Variants in NR2F1-AS1 observed in about 807,000 individuals in gnomAD.
NR2F1-AS1 encodes NR2F1 antisense RNA 1.
At chr5:93,428,719 G>A (rs2149845692) in intron 4 of NR2F1-AS1, among the ~76,000 whole-genome samples, 1 of 152,284 alleles carries the variant, frequency 6.6e-6, no homozygotes, top group Middle Eastern at 3.4e-3. Context: ...GCTTGTGATT[G>A]TACAGGTACT....
intron 1 of NR2F1-AS1, among the ~76,000 whole-genome samples, chr5:93,568,453 G>A (rs1158910381): frequency 6.6e-6 from 1 of 152,092 alleles, no homozygotes; most frequent in Non-Finnish European, 1.5e-5. Context: ...CTAATGGCAA[G>A]AACTACAAAG....
chr5:93,475,497 C>T (rs952562451), intron 4 of NR2F1-AS1, among the ~76,000 whole-genome samples: 2 of 152,142 alleles, frequency 1.3e-5, no homozygotes, highest in Non-Finnish European at 2.9e-5. Flanking sequence ...ACAAATGCAG[C>T]CACTGATAGA....
upstream of NR2F1-AS1, among the ~76,000 whole-genome samples, chr5:93,582,774 GTGTGTGTGTGTA>G (rs1057381518): frequency 6.6e-6 from 1 of 150,956 alleles, no homozygotes; most frequent in African/African-American, 2.4e-5. Flanking sequence ...GAGCGTAAGT[GTGTGTGTGTGTA>G]TGTGTGTGTG....
intron 4 of NR2F1-AS1, among the ~76,000 whole-genome samples, chr5:93,513,714 T>C (rs1350290504): frequency 6.6e-6 from 1 of 152,102 alleles, no homozygotes; most frequent in Non-Finnish European, 1.5e-5. Flanking sequence ...CTATGCTCAT[T>C]ACCCGGTTGA....
At chr5:93,453,427 T>G (rs1749880186) in intron 4 of NR2F1-AS1, among the ~76,000 whole-genome samples, 1 of 151,438 alleles carries the variant, frequency 6.6e-6, no homozygotes, top group African/African-American at 2.4e-5. Context: ...TAAAAATAAA[T>G]AAATAACAGA....
At chr5:93,418,683 G>A (rs553323870) in intron 4 of NR2F1-AS1, among the ~76,000 whole-genome samples, 1 of 152,192 alleles carries the variant, frequency 6.6e-6, no homozygotes, top group African/African-American at 2.4e-5. Flanking sequence ...ATAATTTGCT[G>A]ACCCCTTATC....
chr5:93,440,191 CTG>C (rs1434101734), intron 4 of NR2F1-AS1, among the ~76,000 whole-genome samples: 1 of 149,966 alleles, frequency 6.7e-6, no homozygotes, highest in Admixed American at 6.6e-5. Flanking sequence ...CTCTCTCTCT[CTG>C]TCTCTCTCTC....
intron 4 of NR2F1-AS1, among the ~76,000 whole-genome samples, chr5:93,475,656 T>G (rs918469477): frequency 4.6e-5 from 7 of 152,218 alleles, no homozygotes; most frequent in Admixed American, 2.0e-4. Context: ...ATTTTTGTCA[T>G]AATCATTTGC....
intron 4 of NR2F1-AS1, among the ~76,000 whole-genome samples, chr5:93,506,148 G>A (rs1012098515): frequency 2.6e-5 from 4 of 152,066 alleles, no homozygotes; most frequent in African/African-American, 9.7e-5. Context: ...TCTAGGGCAG[G>A]GGCAAAATGC....
intron 4 of NR2F1-AS1, among the ~76,000 whole-genome samples, chr5:93,502,253 A>C (rs1751096368): frequency 6.6e-6 from 1 of 152,162 alleles, no homozygotes; most frequent in African/African-American, 2.4e-5. Flanking sequence ...CTGAACTTGC[A>C]ATATCTCTGA....
At chr5:93,488,294 T>G (rs1750768207) in intron 4 of NR2F1-AS1, among the ~76,000 whole-genome samples, 1 of 151,986 alleles carries the variant, frequency 6.6e-6, no homozygotes, top group Admixed American at 6.6e-5. Context: ...ATCATCAGAG[T>G]AAACAGGCAA....
intron 1 of NR2F1-AS1, among the ~76,000 whole-genome samples, chr5:93,577,026 T>C (rs1309590480): frequency 1.3e-5 from 2 of 152,254 alleles, no homozygotes; most frequent in Non-Finnish European, 2.9e-5. Context: ...TAAGACTTGA[T>C]TTTTATAAAA....
intron 4 of NR2F1-AS1, among the ~76,000 whole-genome samples, chr5:93,458,896 C>G (rs1409568306): frequency 6.6e-6 from 1 of 151,874 alleles, no homozygotes; most frequent in Non-Finnish European, 1.5e-5. Flanking sequence ...CCTGTAATCC[C>G]AGCTACTCGG....
intron 4 of NR2F1-AS1, among the ~76,000 whole-genome samples, chr5:93,459,461 C>T (rs753339328): frequency 6.6e-6 from 1 of 152,142 alleles, no homozygotes; most frequent in Non-Finnish European, 1.5e-5. Flanking sequence ...ACTGAACTTT[C>T]ATACATCGCT....
At chr5:93,445,662 C>T (rs1467089665) in intron 4 of NR2F1-AS1, among the ~76,000 whole-genome samples, 2 of 151,960 alleles carry the variant, frequency 1.3e-5, no homozygotes, top group African/African-American at 4.8e-5. Context: ...AGTATTCCAA[C>T]CAATATAAAA....
At chr5:93,581,727 T>TCTCTCTCCTCTCTC (rs1561519217), upstream of NR2F1-AS1, among the ~76,000 whole-genome samples, 1 of 44,106 alleles carries the variant, frequency 2.3e-5, no homozygotes, top group African/African-American at 1.3e-4. Flanking sequence ...TCTCTCTCTC[T>TCTCTCTCCTCTCTC]CTCTCTCCCC....
At chr5:93,523,295 C>T (rs1057000003) in intron 4 of NR2F1-AS1, among the ~76,000 whole-genome samples, 3 of 152,202 alleles carry the variant, frequency 2.0e-5, no homozygotes, top group Admixed American at 6.5e-5. Flanking sequence ...GACTGCCCTT[C>T]TGGATTCCTC....
intron 4 of NR2F1-AS1, among the ~76,000 whole-genome samples, chr5:93,537,865 T>C (rs75471787): frequency 1.8e-4 from 28 of 152,266 alleles, no homozygotes; most frequent in Middle Eastern, 3.4e-3. Flanking sequence ...AGAAAAAAAA[T>C]TGATTCTCAG....
intron 4 of NR2F1-AS1, among the ~76,000 whole-genome samples, chr5:93,512,863 T>C (rs1299187380): frequency 1.3e-5 from 2 of 152,184 alleles, no homozygotes; most frequent in African/African-American, 4.8e-5. Context: ...GGCTATACCA[T>C]GTAGGTTTGC....
Sources: allele counts gnomAD v4.1 joint callset (sites outside exome capture counted in the v4.1 genomes callset), GRCh38; gene constraint gnomAD v4.1.1; transcripts MANE v1.5; gene names NCBI Gene and HGNC (gene_info 2026-07-23, HGNC 2026-07-21).